FAM162A: variants seen among roughly 807,000 people sequenced by gnomAD.
The protein encoded by FAM162A is protein FAM162A.
In FAM162A, 23 loss-of-function variants were observed where a neutral mutation model predicts 21.8. The observed-to-expected ratio is 1.05, with a 90% CI of 0.76 to 1.49. FAM162A has a LOEUF of 1.49. Among genes scored for constraint, FAM162A ranks in the 40% most tolerant of loss-of-function variants. The probability of loss-of-function intolerance (pLI) is 0.00; values close to 1 mark genes in which losing one functional copy is unlikely to be tolerated. For missense variants in FAM162A, 165 were observed against 186.4 expected (o/e 0.89, Z 0.67); for synonymous variants, 53 against 61.3 (o/e 0.86, Z 0.64).
At chr3:122,395,661 G>T (rs1474591191) in intron 1 of FAM162A, among the ~76,000 whole-genome samples, 2 of 152,128 alleles carry the variant, frequency 1.3e-5, no homozygotes, top group Admixed American at 6.5e-5. Context: ...CCCAGCTGGG[G>T]TCTTTGTAGA....
Position 122,402,883 on chromosome 3 carries a change from G to A in FAM162A, c.157+1G>A, listed in dbSNP as rs375211869. ...CAGGAAAGTCCCGGAGCTCCATCCCGTAAGTTTTTATTTTTTCTATTTATG... is the reference window on the plus strand; with the variant it reads ...CAGGAAAGTCCCGGAGCTCCATCCCATAAGTTTTTATTTTTTCTATTTATG... On this transcript the variant is annotated splice_donor_variant, in intron 2 of 4. Transcript: ENST00000477892. LOFTEE classifies it high-confidence loss of function. 30 of 1,582,894 alleles carry A rather than the reference G, an allele frequency of 1.9e-5. No individual in the cohort carries two copies. Among genetic ancestry groups the A allele is most frequent in the Non-Finnish European group, 2.3e-5 (27 of 1,171,096 alleles).
chr3:122,389,085 G>A (rs1476767787), intron 1 of FAM162A, among the ~76,000 whole-genome samples: 2 of 151,976 alleles, frequency 1.3e-5, no homozygotes, highest in Non-Finnish European at 2.9e-5. Flanking sequence ...ACTAGAAAGA[G>A]GTCACTAATG....
intron 2 of FAM162A, 102 bp from the exon 3 acceptor site, chr3:122,404,156 G>A (rs1389978970): frequency 2.3e-6 from 1 of 438,614 alleles, no homozygotes; most frequent in Non-Finnish European, 4.2e-6. Context: ...CAGTGTTTCT[G>A]TTTAGTGACT....
chr3:122,389,826 A>C (rs2075592701), intron 1 of FAM162A, among the ~76,000 whole-genome samples: 2 of 152,196 alleles, frequency 1.3e-5, no homozygotes, highest in Non-Finnish European at 2.9e-5. Context: ...TTTTCTTCAC[A>C]TCTTTTTTTA....
At chr3:122,384,397 T>G (rs2075563230) in intron 1 of FAM162A, 98 bp downstream of exon 1, 1 of 1,380,950 alleles carries the variant, frequency 7.2e-7, no homozygotes, top group East Asian at 2.5e-5. Flanking sequence ...GTGGCTCCAT[T>G]CCATGACGCA....
chr3:122,398,882 A>G (rs1215538026), intron 1 of FAM162A, among the ~76,000 whole-genome samples: 1 of 152,206 alleles, frequency 6.6e-6, no homozygotes, highest in Non-Finnish European at 1.5e-5. Flanking sequence ...GATTTGCTTT[A>G]AAACAATCTA....
chr3:122,407,587 A>C (rs1478244893), intron 4 of FAM162A, 198 bp downstream of exon 4: 1 of 503,706 alleles, frequency 2.0e-6, no homozygotes, highest in African/African-American at 1.9e-5. Flanking sequence ...AGCAAATCCT[A>C]ACTTTGGCGT....
At chr3:122,385,899 TG>T (rs1405470597) in intron 1 of FAM162A, among the ~76,000 whole-genome samples, 20 of 152,354 alleles carry the variant, frequency 1.3e-4, no homozygotes, top group Admixed American at 3.9e-4. Flanking sequence ...TTTTGTTGGA[TG>T]GATTTCTCAT....
chr3:122,409,430 A>T (rs1208838308), intron 4 of FAM162A, among the ~76,000 whole-genome samples: 1 of 152,202 alleles, frequency 6.6e-6, no homozygotes, highest in African/African-American at 2.4e-5. Flanking sequence ...TTAGTATAAA[A>T]GAGAAGTGGG....
intron 1 of FAM162A, among the ~76,000 whole-genome samples, chr3:122,388,778 G>A (rs1197489856): frequency 1.3e-5 from 2 of 152,154 alleles, no homozygotes; most frequent in Admixed American, 6.5e-5. Flanking sequence ...GACCGGGCAC[G>A]GTGGCTCAAG....
rs2075694838 is a variant in FAM162A at position 122,409,686 on chromosome 3, C to T, written c.373-53C>T. Reference sequence around the variant, plus strand: ...TGCTGTCATCAGTGCAAGGTAAAGACACCCTCCCCTGACCAGCATACAAAT... The same window carrying T: ...TGCTGTCATCAGTGCAAGGTAAAGATACCCTCCCCTGACCAGCATACAAAT... On this transcript the variant is annotated intron_variant, in intron 4 of 4. Coordinates refer to ENST00000477892, the MANE Select transcript of FAM162A (RefSeq NM_014367.4). The T allele has an allele frequency of 2.6e-6, 4 of 1,522,890 alleles. No homozygotes were observed. The African/African-American group carries it at 4.1e-5, about 16-fold the overall frequency. The allele number at this position is 1,522,890 out of a possible 1,614,324, so 94.3% of individuals were successfully genotyped here. A position where few individuals can be genotyped will look rare whatever the true frequency, so the allele number is the denominator to read the frequency against.
intron 4 of FAM162A, among the ~76,000 whole-genome samples, chr3:122,408,994 C>A (rs1197281223): frequency 1.3e-5 from 2 of 152,148 alleles, no homozygotes; most frequent in Non-Finnish European, 2.9e-5. Flanking sequence ...CTCTCACCAT[C>A]AACTTCCCTT....
At chr3:122,391,893 A>G (rs2075605813) in intron 1 of FAM162A, among the ~76,000 whole-genome samples, 1 of 152,156 alleles carries the variant, frequency 6.6e-6, no homozygotes, top group African/African-American at 2.4e-5. Context: ...CCAAACACAT[A>G]CTTCATGTCC....
intron 4 of FAM162A, 35 bp from the exon 5 acceptor site, chr3:122,409,704 A>G: frequency 1.3e-6 from 2 of 1,594,648 alleles, no homozygotes; most frequent in South Asian, 2.2e-5. Flanking sequence ...CCTGACCAGC[A>G]TACAAATCAC....
chr3:122,401,370 T>C lies in FAM162A; in HGVS notation c.35-1390T>C, dbSNP rs555429405. 1.1e-5 allele frequency: 11 copies of C among 1,011,108 alleles called. No individual in the cohort carries two copies. In the African/African-American group the frequency reaches 1.9e-4, roughly 17 times the overall value. 62.6% of individuals were successfully genotyped at this position (1,011,108 alleles called of 1,614,324 possible). ...TTATATAGACAGAGAACTCCTTTTCTTTCAGGTTGGTTCATGTGATCCTGG... is the reference window on the plus strand; with the variant it reads ...TTATATAGACAGAGAACTCCTTTTCCTTCAGGTTGGTTCATGTGATCCTGG... On this transcript the variant is annotated intron_variant, in intron 1 of 4. Transcript: ENST00000477892.
chr3:122,405,871 C>A (rs572562180), intron 3 of FAM162A, among the ~76,000 whole-genome samples: 14 of 152,316 alleles, frequency 9.2e-5, no homozygotes, highest in East Asian at 7.7e-4. Flanking sequence ...TTAGTGGAAT[C>A]TCAGGTGCTC....
intron 4 of FAM162A, among the ~76,000 whole-genome samples, chr3:122,408,237 C>A (rs1310174956): frequency 1.3e-5 from 2 of 152,168 alleles, no homozygotes; most frequent in African/African-American, 4.8e-5. Flanking sequence ...TAACAAGTGG[C>A]AAGATAAAAA....
chr3:122,400,111 T>G (rs1257867168), intron 1 of FAM162A, among the ~76,000 whole-genome samples: 1 of 151,978 alleles, frequency 6.6e-6, no homozygotes, highest in Non-Finnish European at 1.5e-5. Context: ...TAGCAAAGGC[T>G]TGGAACCAAC....
intron 1 of FAM162A, among the ~76,000 whole-genome samples, chr3:122,400,821 C>T (rs1426190437): frequency 6.6e-6 from 1 of 151,600 alleles, no homozygotes; most frequent in African/African-American, 2.4e-5. Context: ...GAGCGAAACT[C>T]CATCTCAAAA....
Sources: gnomAD v4.1 joint callset for allele counts (sites outside exome capture counted in the v4.1 genomes callset) on GRCh38, gnomAD v4.1.1 for gene constraint, MANE v1.5 for transcripts, NCBI Gene and HGNC (gene_info 2026-07-23, HGNC 2026-07-21) for gene names.